The following ACSM3 variants were observed in gnomAD, a reference collection of about 807,000 sequenced individuals.
The protein encoded by ACSM3 is acyl-coenzyme A synthetase ACSM3, mitochondrial.
In ACSM3, 61 loss-of-function variants were observed where a neutral mutation model predicts 74.1. That is an observed-to-expected ratio of 0.82 (90% CI 0.67 to 1.02). The LOEUF is 1.02. ACSM3 is among the 50% of genes least tolerant of loss of function. ACSM3 has a pLI of 0.00. For missense variants in ACSM3, 660 were observed against 697.0 expected (o/e 0.95, Z 0.60); for synonymous variants, 213 against 241.5 (o/e 0.88, Z 1.09).
At chr16:20,704,852 GGAT>G (rs1404596539) in intron 1 of ACSM3, among the ~76,000 whole-genome samples, 4 of 152,174 alleles carry the variant, frequency 2.6e-5, no homozygotes, top group African/African-American at 9.7e-5. Context: ...TCATAAAAGA[GGAT>G]GATTTGGGAG....
chr16:20,753,952 A>AAG lies in ACSM3; in HGVS notation c.-95-1614_-95-1613dup, dbSNP rs752183250. 3.9e-4 allele frequency among the ~76,000 whole-genome samples: 59 copies of AAG among 152,342 alleles called. 1 individual carries two copies. Among genetic ancestry groups the AAG allele is most frequent in the Admixed American group, 1.6e-3 (25 of 15,294 alleles). On this transcript the variant is annotated intron_variant, in intron 2 of 3. Transcript: ENST00000561584. Reference sequence around the variant, plus strand: ...AGAGAAAGAAAGAAATTGATGATGCAAGAGAGAGGAAGAATAACTGAGGGA... The same window carrying AAG: ...AGAGAAAGAAAGAAATTGATGATGCAAGAGAGAGAGGAAGAATAACTGAGGGA...
chr16:20,731,719 A>G, intron 1 of ACSM3: 1 of 390,496 alleles, frequency 2.6e-6, no homozygotes, highest in South Asian at 5.4e-5. Context: ...AATCAACTGC[A>G]CCTTACAAAT....
chr16:20,695,971 C>G lies in ACSM3; in HGVS notation c.-190+21149C>G, dbSNP rs185467340. On this transcript the variant is annotated intron_variant, in intron 1 of 3. Coordinates refer to the ACSM3 transcript ENST00000561584. ...CATTGTCAGTGATGGATCACATATA[C>G]AGAGTGGCCCATACAATTATAATGA... 2.0e-5 allele frequency among the ~76,000 whole-genome samples: 3 copies of G among 152,324 alleles called. No homozygotes were observed. In the East Asian group the frequency reaches 5.8e-4, roughly 29 times the overall value.
chr16:20,793,331 T>C (rs1490763620), intron 12 of ACSM3, among the ~76,000 whole-genome samples: 4 of 152,184 alleles, frequency 2.6e-5, no homozygotes. Context: ...TAGCCAGGCA[T>C]GGTGGCACAC....
At chr16:20,718,291 T>C (rs183534142) in intron 1 of ACSM3, 9 of 435,486 alleles carry the variant, frequency 2.1e-5, no homozygotes, top group African/African-American at 1.6e-4. Context: ...GCAGAAGAAA[T>C]ATCAGAGTTA....
At chr16:20,723,381 T>C (rs2079793034) in intron 1 of ACSM3, among the ~76,000 whole-genome samples, 1 of 152,320 alleles carries the variant, frequency 6.6e-6, no homozygotes. Flanking sequence ...TGATTTATAA[T>C]CCTTTGGGTA....
chr16:20,776,778 T>C (rs1235822403), intron 3 of ACSM3, among the ~76,000 whole-genome samples: 2 of 152,176 alleles, frequency 1.3e-5, no homozygotes, highest in Admixed American at 1.3e-4. Context: ...TCTTAATCAT[T>C]ATACTTCATC....
chr16:20,693,058 T>TACTG (rs925726002), intron 1 of ACSM3, among the ~76,000 whole-genome samples: 14 of 151,732 alleles, frequency 9.2e-5, no homozygotes, highest in African/African-American at 3.4e-4. Flanking sequence ...TAGTCCCAGC[T>TACTG]ACTGGTGAGG....
rs375614636 is a variant in ACSM3, at chr16:20,736,944, G to T, written c.-189-12966G>T. The T allele has an allele frequency of 1.9e-6, 3 of 1,613,932 alleles. No homozygotes were observed. The African/African-American group carries it at 4.0e-5, about 22-fold the overall frequency. On this transcript the variant is annotated intron_variant, in intron 1 of 3. Coordinates refer to the ACSM3 transcript ENST00000561584. ...GGCTTGACTTGCAAGTTCAGGTTTG[G>T]CTCCTCCCTCATTTACCACCTGTGG...
intron 9 of ACSM3, chr16:20,786,428 C>T (rs1254397422): frequency 3.6e-5 from 21 of 579,656 alleles, no homozygotes; most frequent in Non-Finnish European, 5.0e-5. Context: ...CGCCTGTAAT[C>T]CCAACACTTT....
At chr16:20,676,106 T>A (rs1472631429) in intron 1 of ACSM3, 2 of 152,174 alleles carry the variant, frequency 1.3e-5, no homozygotes, top group Non-Finnish European at 2.9e-5. Context: ...TTCAAAGAGA[T>A]ACAGGCTCCC....
intron 1 of ACSM3, chr16:20,679,737 C>T (rs531583626): frequency 6.6e-6 from 1 of 152,154 alleles, no homozygotes; most frequent in Admixed American, 6.6e-5. Flanking sequence ...TAGGAACCTG[C>T]ACATACAACC....
Position 20,724,421 on chromosome 16 carries a change from T to G in ACSM3, c.-189-25489T>G, listed in dbSNP as rs568150749. On this transcript the variant is annotated intron_variant, in intron 1 of 3. Transcript: ENST00000561584. ...ATCTATGACAAACCCACAGCCAATA[T>G]CATACTGAATGGACAAAAACTGGAA... Among the ~76,000 whole-genome samples, 28 of 152,030 alleles carry G rather than the reference T, an allele frequency of 1.8e-4. No homozygotes were observed. In the South Asian group the frequency reaches 5.4e-3, roughly 29 times the overall value.
At chr16:20,711,247 A>C (rs2341641) in intron 1 of ACSM3, among the ~76,000 whole-genome samples, 64,877 of 152,116 alleles carry the variant, frequency 0.43, 16,378 homozygotes, top group Non-Finnish European at 0.58. Flanking sequence ...CAAAGCTAGT[A>C]AGTTGCAAGG....
chr16:20,775,695 C>G, intron 2 of ACSM3, 144 bp from the exon 3 acceptor site: 2 of 777,328 alleles, frequency 2.6e-6, no homozygotes, highest in South Asian at 1.7e-5. Flanking sequence ...GATGTCTCCC[C>G]CAGAGTTATT....
At position 20,700,634 on chromosome 16, in the gene ACSM3, G is replaced by A. The variant is rs556716854; in HGVS notation, c.-190+25812G>A. ...GGTCAGAGACACAAGCAGGAGACAT[G>A]CCATTAAGGATCTTTATGGACATAA... On this transcript the variant is annotated intron_variant, in intron 1 of 3. Coordinates refer to the ACSM3 transcript ENST00000561584. Among the ~76,000 whole-genome samples, 4 of 151,926 alleles carry A rather than the reference G, an allele frequency of 2.6e-5. No homozygotes were observed. In the East Asian group the frequency reaches 5.8e-4, roughly 22 times the overall value.
chr16:20,718,695 C>T (rs890878491), intron 1 of ACSM3, among the ~76,000 whole-genome samples: 6 of 152,138 alleles, frequency 3.9e-5, no homozygotes, highest in South Asian at 2.1e-4. Context: ...ACTTAAGAAT[C>T]GACCTTAATT....
At chr16:20,708,066 C>T (rs1489911961) in intron 1 of ACSM3, among the ~76,000 whole-genome samples, 5 of 152,030 alleles carry the variant, frequency 3.3e-5, no homozygotes, top group African/African-American at 4.8e-5. Flanking sequence ...TTTGGGAGGC[C>T]AAGGCGGGTG....
chr16:20,743,033 C>A (rs1226817039), intron 1 of ACSM3, among the ~76,000 whole-genome samples: 1 of 150,990 alleles, frequency 6.6e-6, no homozygotes, highest in African/African-American at 2.4e-5. Flanking sequence ...CTCCGCCTCC[C>A]AGGTTCACCC....
Sources: gnomAD v4.1 joint callset for allele counts (sites outside exome capture counted in the v4.1 genomes callset) on GRCh38, gnomAD v4.1.1 for gene constraint, MANE v1.5 for transcripts, NCBI Gene and HGNC (gene_info 2026-07-23, HGNC 2026-07-21) for gene names.